Variants in NTNG2 observed in about 807,000 individuals in gnomAD.
The protein encoded by NTNG2 is netrin-G2.
A neutral mutation model predicts 47.6 loss-of-function variants in NTNG2; 15 were observed. That is an observed-to-expected ratio of 0.32 (90% CI 0.21 to 0.49). The LOEUF (loss-of-function observed/expected upper bound fraction) is 0.49. Ranked by LOEUF, NTNG2 falls within the 20% of genes least tolerant of loss-of-function variation. The pLI, the probability that NTNG2 is intolerant of heterozygous loss-of-function variation, is 0.99. For synonymous variants in NTNG2, 307 were observed against 324.6 expected (o/e 0.95, Z 0.58); for missense variants, 578 against 764.6 (o/e 0.76, Z 2.88).
rs571605246 is a variant in NTNG2 at position 132,163,720 on chromosome 9, C to T, written c.-484+1481C>T. ...CGGCAAGTTTCCCACACGGCGAGGG[C>T]GCAGCAGGCAACTCCAAGAGGAACC... is the stretch of plus-strand genomic sequence containing the variant. On this transcript the variant is annotated intron_variant, in intron 1 of 7. Coordinates refer to ENST00000393229, the MANE Select transcript of NTNG2 (RefSeq NM_032536.4). This position sits in a 1 kb window ranked among gnomAD's most constrained non-coding sequence, Gnocchi z 7.2. Among the ~76,000 whole-genome samples the T allele has an allele frequency of 1.3e-5, 2 of 152,232 alleles. No individual in the cohort carries two copies. Among genetic ancestry groups the T allele is most frequent in the Non-Finnish European group, 2.9e-5 (2 of 68,034 alleles).
At chr9:132,173,703 T>C (rs1352499358) in intron 2 of NTNG2, among the ~76,000 whole-genome samples, 172 of 125,258 alleles carry the variant, frequency 1.4e-3, no homozygotes, top group African/African-American at 4.4e-3. Flanking sequence ...GACGGATGGA[T>C]GGACAGACGG....
In NTNG2 at chr9:132,193,742, A is replaced by G. The variant is rs147197552; in HGVS notation, c.214-4224A>G. On this transcript the variant is annotated intron_variant, in intron 2 of 7. Transcript: ENST00000393229. ...GCTCACCTGGCATGAGGCTTGTCTTAGTCAGCTCCGGCCACCATAACAAAG... is the reference window on the plus strand; with the variant it reads ...GCTCACCTGGCATGAGGCTTGTCTTGGTCAGCTCCGGCCACCATAACAAAG... 3.5e-3 allele frequency among the ~76,000 whole-genome samples: 526 copies of G among 152,192 alleles called. 1 individual carries two copies. Among genetic ancestry groups the G allele is most frequent in the African/African-American group, 0.012 (496 of 41,504 alleles).
At chr9:132,165,592 G>A (rs988416572) in intron 1 of NTNG2, among the ~76,000 whole-genome samples, 1 of 152,226 alleles carries the variant, frequency 6.6e-6, no homozygotes, top group African/African-American at 2.4e-5. Flanking sequence ...AGCACGTGGA[G>A]CACTCTGTTC....
intron 2 of NTNG2, among the ~76,000 whole-genome samples, chr9:132,183,796 T>C (rs991114032): frequency 6.6e-5 from 10 of 152,172 alleles, no homozygotes; most frequent in Admixed American, 6.5e-4. Context: ...CTCTCAAACC[T>C]GGCCACACAT....
intron 5 of NTNG2, 63 bp from the exon 6 acceptor site, chr9:132,239,041 C>T (rs769989641): frequency 6.5e-7 from 1 of 1,548,074 alleles, no homozygotes; most frequent in Admixed American, 1.7e-5. Flanking sequence ...CTTCCTCGCC[C>T]TGTCCCTCAG....
intron 2 of NTNG2, among the ~76,000 whole-genome samples, chr9:132,188,238 T>C (rs1356594538): frequency 2.6e-5 from 4 of 152,184 alleles, no homozygotes; most frequent in Non-Finnish European, 5.9e-5. Flanking sequence ...TTCCACCTTG[T>C]ATGCGGCAGC....
chr9:132,200,894 G>A (rs543017537), intron 3 of NTNG2, among the ~76,000 whole-genome samples: 10 of 152,328 alleles, frequency 6.6e-5, no homozygotes, highest in African/African-American at 2.2e-4. Flanking sequence ...GGGCATCTCC[G>A]TGACCTCTGC....
At chr9:132,239,852 T>C (rs1160324616) in intron 6 of NTNG2, among the ~76,000 whole-genome samples, 1 of 152,248 alleles carries the variant, frequency 6.6e-6, no homozygotes, top group Non-Finnish European at 1.5e-5. Context: ...CTGAAGCTTT[T>C]CTTCAAATGC....
intron 3 of NTNG2, among the ~76,000 whole-genome samples, chr9:132,209,049 G>A (rs1839387543): frequency 6.6e-6 from 1 of 152,246 alleles, no homozygotes; most frequent in Non-Finnish European, 1.5e-5. Context: ...TGTGCCGTGT[G>A]CACTGCACAC....
intron 7 of NTNG2, chr9:132,241,631 G>T: frequency 1.9e-6 from 1 of 513,628 alleles, no homozygotes; most frequent in Non-Finnish European, 3.4e-6. Flanking sequence ...CGCGTCTGAA[G>T]AACAGCACCG....
intron 3 of NTNG2, among the ~76,000 whole-genome samples, chr9:132,207,351 A>C (rs1033651079): frequency 6.6e-6 from 1 of 152,120 alleles, no homozygotes; most frequent in Non-Finnish European, 1.5e-5. Context: ...AATCTGTCCC[A>C]TACCCTCCGC....
chr9:132,200,770 C>T (rs1305584665), intron 3 of NTNG2, among the ~76,000 whole-genome samples: 3 of 152,196 alleles, frequency 2.0e-5, no homozygotes, highest in Admixed American at 6.5e-5. Flanking sequence ...TTCTGACACC[C>T]GTGATCTCTA....
chr9:132,196,922 G>T (rs192452764), intron 2 of NTNG2, among the ~76,000 whole-genome samples: 1 of 152,290 alleles, frequency 6.6e-6, no homozygotes, highest in East Asian at 1.9e-4. Flanking sequence ...TTGATAGTTT[G>T]CTAGAACAGC....
At chr9:132,165,627 A>C (rs1201546496) in intron 1 of NTNG2, among the ~76,000 whole-genome samples, 1 of 152,218 alleles carries the variant, frequency 6.6e-6, no homozygotes, top group African/African-American at 2.4e-5. Context: ...GTATGGGTCC[A>C]TCTGCACCTA....
rs138731958 is a variant in NTNG2, at chr9:132,230,168, TAGAC to T, written c.1031-401_1031-398del. ...AGTTTTCCAGCCACACTGCACTTCTTAGACAGGAACACTCCATACGATGTCCCTG... is the reference window on the plus strand; with the variant it reads ...AGTTTTCCAGCCACACTGCACTTCTTAGGAACACTCCATACGATGTCCCTG... On this transcript the variant is annotated intron_variant, in intron 4 of 7. Transcript: ENST00000393229. 1.6e-3 allele frequency among the ~76,000 whole-genome samples: 242 copies of T among 152,324 alleles called. 7 individuals are homozygous for T. In the East Asian group the frequency reaches 0.035, roughly 22 times the overall value.
chr9:132,171,765 T>C (rs1282171913), intron 2 of NTNG2, among the ~76,000 whole-genome samples: 5 of 152,196 alleles, frequency 3.3e-5, no homozygotes. Context: ...TCACAGACAC[T>C]CTGCCTCCTG....
chr9:132,191,153 C>T lies in NTNG2; in HGVS notation c.214-6813C>T, dbSNP rs139001117. On this transcript the variant is annotated intron_variant, in intron 2 of 7. Coordinates refer to ENST00000393229, the MANE Select transcript of NTNG2 (RefSeq NM_032536.4). ...CGGCTGTGAAGTGCCCAACCCAGCCCGGGCACAGGGCTGGCACTCAGTGAA... is the reference window on the plus strand; with the variant it reads ...CGGCTGTGAAGTGCCCAACCCAGCCTGGGCACAGGGCTGGCACTCAGTGAA... 6.6e-5 allele frequency among the ~76,000 whole-genome samples: 10 copies of T among 152,168 alleles called. 1 individual carries two copies. The highest frequency in any genetic ancestry group is 2.2e-4 in the African/African-American group (9 of 41,496).
intron 2 of NTNG2, among the ~76,000 whole-genome samples, chr9:132,171,809 A>G (rs1835932253): frequency 6.6e-6 from 1 of 152,188 alleles, no homozygotes; most frequent in Non-Finnish European, 1.5e-5. Context: ...GTTTCCATCC[A>G]ACAATGCAGA....
At chr9:132,238,676 G>C (rs547816339) in intron 5 of NTNG2, among the ~76,000 whole-genome samples, 1 of 152,222 alleles carries the variant, frequency 6.6e-6, no homozygotes, top group African/African-American at 2.4e-5. Context: ...ATACCACGGC[G>C]AGCGCCGTGA....
Sources: allele counts gnomAD v4.1 joint callset (sites outside exome capture counted in the v4.1 genomes callset), GRCh38; gene constraint gnomAD v4.1.1; non-coding constraint Gnocchi (gnomAD v3.1); transcripts MANE v1.5; gene names NCBI Gene and HGNC (gene_info 2026-07-23, HGNC 2026-07-21).